Variants in MAP7D3 observed in about 807,000 individuals in gnomAD.
MAP7D3 encodes the protein MAP7 domain-containing protein 3.
In MAP7D3, 45 loss-of-function variants were observed where a neutral mutation model predicts 62.2. The observed-to-expected ratio is 0.72, with a 90% CI of 0.57 to 0.93. The LOEUF is 0.93. Ranked by LOEUF, MAP7D3 falls within the 40% of genes least tolerant of loss-of-function variation. The probability of loss-of-function intolerance (pLI) is 0.00; values close to 1 mark genes in which losing one functional copy is unlikely to be tolerated. For synonymous variants in MAP7D3, 288 were observed against 248.8 expected (o/e 1.16, Z -1.48); for missense variants, 711 against 683.1 (o/e 1.04, Z -0.45).
chrX:136,233,558 G>C (rs2148410253), intron 7 of MAP7D3, among the ~76,000 whole-genome samples: 1 of 99,563 alleles, frequency 1.0e-5, no homozygotes, highest in South Asian at 5.2e-4. Context: ...ACAGGCGTGA[G>C]ACACCGCACC....
chrX:136,232,325 A>G (rs1190655656), intron 7 of MAP7D3, 105 bp from the exon 8 acceptor site: 1 of 553,413 alleles, frequency 1.8e-6, no homozygotes, highest in Non-Finnish European at 2.9e-6. Context: ...GAGATTGTTT[A>G]TTAGGAAAGC....
At chrX:136,230,348 G>C in intron 10 of MAP7D3, 37 bp downstream of exon 10, 4 of 817,077 alleles carry the variant, frequency 4.9e-6, no homozygotes, top group Non-Finnish European at 7.3e-6. Flanking sequence ...AAGATTTTCT[G>C]TGTTGCTAAG....
chrX:136,241,675 G>A (rs149951141), intron 4 of MAP7D3, among the ~76,000 whole-genome samples: 120 of 110,326 alleles, frequency 1.1e-3, no homozygotes, highest in African/African-American at 3.9e-3. Flanking sequence ...CATCTGGTGT[G>A]GTATGTATTT....
At chrX:136,251,424 G>T, upstream of MAP7D3, 2 of 869,585 alleles carry the variant, frequency 2.3e-6, no homozygotes, top group Non-Finnish European at 2.8e-6. Context: ...CGCGGCCTCC[G>T]CTTGGGTCGT....
Position 136,231,775 on chromosome X carries a change from C to T in MAP7D3, c.1182G>A (p.Pro394=), listed in dbSNP as rs775957118. Residue 394 remains proline, a synonymous_variant, in exon 8 of 19, where the codon CCG becomes CCA. Coordinates refer to ENST00000316077, the MANE Select transcript of MAP7D3 (RefSeq NM_024597.4). ...ASPEASLEAP[P]EVSLEALPEV... ...CTGGCAGTGCTTCCAGACTCACTTCCGGGGGTGCTTCCAGGCTCGCCTCCG... is the reference window on the plus strand; with the variant it reads ...CTGGCAGTGCTTCCAGACTCACTTCTGGGGGTGCTTCCAGGCTCGCCTCCG... The T allele has an allele frequency of 7.4e-6, 9 of 1,209,225 alleles. No individual in the cohort carries two copies. The highest frequency in any genetic ancestry group is 5.3e-5 in the African/African-American group (3 of 56,879).
At chrX:136,215,649 T>C (rs916424001), downstream of MAP7D3, among the ~76,000 whole-genome samples, 1 of 112,131 alleles carries the variant, frequency 8.9e-6, no homozygotes, top group Non-Finnish European at 1.9e-5. Context: ...CACCAAAGGT[T>C]CATGGAAAAT....
rs1210531192 is a variant in MAP7D3, at chrX:136,229,993, A to ATATAT, written c.1750+391_1750+392insATATA. Among the ~76,000 whole-genome samples the ATATAT allele has an allele frequency of 5.6e-3, 267 of 48,076 alleles. 2 individuals carry two copies. Among genetic ancestry groups the ATATAT allele is most frequent in the Non-Finnish European group, 7.6e-3 (217 of 28,469 alleles). The allele number at this position is 48,076 out of a possible 115,157, so 41.7% of individuals were successfully genotyped here. On this transcript the variant is annotated intron_variant, in intron 10 of 18. Transcript: ENST00000316077. ...TATATATATATATATATATATATATATTTTTTTTTTTTTTGTAGAAACAGG... is the reference window on the plus strand; with the variant it reads ...TATATATATATATATATATATATATATATATTTTTTTTTTTTTTTGTAGAAACAGG...
At chrX:136,245,510 G>A (rs1399336814) in intron 3 of MAP7D3, among the ~76,000 whole-genome samples, 1 of 111,399 alleles carries the variant, frequency 9.0e-6, no homozygotes, top group East Asian at 2.8e-4. Flanking sequence ...CACTTTGGAA[G>A]GCCGAGGTGG....
chrX:136,241,168 C>T lies in MAP7D3; in HGVS notation c.527G>A (p.Ser176Asn), dbSNP rs753846556. 1 of 1,131,367 alleles carries T rather than the reference C, an allele frequency of 8.8e-7. No homozygotes were observed. Among genetic ancestry groups the T allele is most frequent in the Non-Finnish European group, 1.2e-6 (1 of 826,698 alleles). 93.2% of individuals were successfully genotyped at this position (1,131,367 alleles called of 1,213,427 possible). Reference protein sequence around the residue: ...WGGSAMANSESKTANKRSAST... With the variant: ...WGGSAMANSENKTANKRSAST... ...ATGGGTGTATTAATTACCAGTTTTG[C>T]TCTCAGAATTCGCCATTGCAGAGCC... The change falls in exon 5 of 19, where the codon AGC becomes AAC. Residue 176 changes from serine to asparagine, a missense_variant. Physicochemically the swap from Ser to Asn is conservative, Grantham distance 46 (BLOSUM62 1). Coordinates refer to ENST00000316077, the MANE Select transcript of MAP7D3 (RefSeq NM_024597.4).
rs1254867872 is a variant in MAP7D3 at position 136,231,852 on chromosome X, G to A, written c.1105C>T (p.Leu369Phe). 2 of 1,211,697 alleles carry A rather than the reference G, an allele frequency of 1.7e-6. No homozygotes were observed. Among genetic ancestry groups the A allele is most frequent in the Admixed American group, 4.3e-5 (2 of 46,050 alleles). Residue 369 changes from leucine to phenylalanine, a missense_variant, in exon 8 of 19, where the codon CTC becomes TTC. Physicochemically the swap from Leu to Phe is conservative, Grantham distance 22. Transcript: ENST00000316077. ...DASPELSIEA[L>F]PKVDLETVPK... is the part of the protein sequence containing the mutation. Reference sequence around the variant, plus strand: ...ACTGTTTCCAGGTCCACCTTCGGGAGTGCTTCTATGCTCAACTCGGGGGAT... The same window carrying A: ...ACTGTTTCCAGGTCCACCTTCGGGAATGCTTCTATGCTCAACTCGGGGGAT...
At chrX:136,245,553 C>A (rs1443506569) in intron 3 of MAP7D3, among the ~76,000 whole-genome samples, 4 of 110,925 alleles carry the variant, frequency 3.6e-5, no homozygotes, top group Admixed American at 9.6e-5. Flanking sequence ...CAAGACCACC[C>A]GGGCTAACAC....
rs772719195 is a variant in MAP7D3, at chrX:136,225,946, A to G, written c.2102T>C (p.Met701Thr). The G allele has an allele frequency of 5.0e-6, 6 of 1,204,419 alleles. No homozygotes were observed. In the South Asian group the frequency reaches 1.1e-4, roughly 22 times the overall value. ...DKRKKEHERI[M>T]LQNLQERLER... ...TAACCGTTCTTGTAAATTTTGTAAC[A>G]TAATTCTCTCGTGTTCTTTCTTGCG... Residue 701 changes from methionine (M) to threonine (T), a missense_variant, in exon 13 of 19, where the codon ATG becomes ACG. Coordinates refer to ENST00000316077, the MANE Select transcript of MAP7D3 (RefSeq NM_024597.4).
chrX:136,219,725 G>T, intron 16 of MAP7D3, 54 bp from the exon 17 acceptor site: 1 of 926,465 alleles, frequency 1.1e-6, no homozygotes, highest in Non-Finnish European at 1.6e-6. Context: ...CAAGGCTCTG[G>T]CCTAAAAGAA....
upstream of MAP7D3, chrX:136,256,153 C>A (rs5975709): frequency 1.8e-6 from 2 of 1,084,577 alleles, no homozygotes; most frequent in Non-Finnish European, 2.4e-6. Context: ...CTCCTCTCGT[C>A]GCTCACTCTT....
intron 14 of MAP7D3, 25 bp from the exon 15 acceptor site, chrX:136,222,511 A>T: frequency 9.4e-7 from 1 of 1,063,935 alleles, no homozygotes; most frequent in East Asian, 3.0e-5. Flanking sequence ...GGAAATCTTG[A>T]TTATGCCTAA....
chrX:136,255,181 A>G (rs1326244494), upstream of MAP7D3, among the ~76,000 whole-genome samples: 1 of 112,442 alleles, frequency 8.9e-6, no homozygotes, highest in African/African-American at 3.2e-5. Context: ...GTGCTATTGC[A>G]CTCCAGCCTG....
At chrX:136,226,056 T>C in intron 12 of MAP7D3, 43 bp from the exon 13 acceptor site, 2 of 916,765 alleles carry the variant, frequency 2.2e-6, no homozygotes, top group Non-Finnish European at 3.1e-6. Flanking sequence ...TCAAGATACC[T>C]GAGTGACATC....
Position 136,230,517 on chromosome X carries a change from A to G in MAP7D3, c.1618T>C (p.Tyr540His). Residue 540 changes from tyrosine (Y) to histidine (H), a missense_variant, in exon 10 of 19, where the codon TAT (tyrosine) becomes CAT (histidine). By Grantham distance (83) the Tyr-to-His change is moderately conservative. Coordinates refer to ENST00000316077, the MANE Select transcript of MAP7D3 (RefSeq NM_024597.4). ...SKQSPQTSFP[Y>H]KIMPIQHTLS... The stretch of plus-strand genomic sequence containing the variant: ...GTGTGTTGAATAGGCATTATTTTAT[A>G]AGGAAAAGAAGTCTGTGGTGACTGT... The G allele has an allele frequency of 8.4e-7, 1 of 1,194,985 alleles. No homozygotes were observed. Among genetic ancestry groups the G allele is most frequent in the Non-Finnish European group, 1.1e-6 (1 of 880,325 alleles).
chrX:136,220,180 G>T (rs746726970), intron 16 of MAP7D3, among the ~76,000 whole-genome samples: 1 of 111,484 alleles, frequency 9.0e-6, no homozygotes, highest in African/African-American at 3.3e-5. Context: ...TATTATGGCC[G>T]GGTGTGGTGG....
Sources: gnomAD v4.1 joint callset for allele counts (sites outside exome capture counted in the v4.1 genomes callset) on GRCh38, gnomAD v4.1.1 for gene constraint, MANE v1.5 for transcripts, NCBI Gene and HGNC (gene_info 2026-07-23, HGNC 2026-07-21) for gene names.